APOBEC3D: variants seen among roughly 807,000 people sequenced by gnomAD.
APOBEC3D encodes the protein apolipoprotein B mRNA editing enzyme catalytic subunit 3D.
Under a neutral mutation model 45.6 loss-of-function variants are expected in APOBEC3D, and 37 were observed. The observed-to-expected ratio is 0.81, with a 90% CI of 0.62 to 1.07. APOBEC3D has a LOEUF of 1.07. Ranked by LOEUF, APOBEC3D falls within the 50% of genes least tolerant of loss-of-function variation. The pLI, the probability that APOBEC3D is intolerant of heterozygous loss-of-function variation, is 0.00. For synonymous variants in APOBEC3D, 175 were observed against 180.7 expected (o/e 0.97, Z 0.25); for missense variants, 496 against 495.3 (o/e 1.00, Z -0.01).
intron 4 of APOBEC3D, among the ~76,000 whole-genome samples, chr22:39,027,563 G>A (rs894956230): frequency 2.6e-5 from 4 of 152,150 alleles, no homozygotes; most frequent in Admixed American, 6.5e-5. Context: ...GGCCCTGGAC[G>A]ATAGAAATAG....
intron 2 of APOBEC3D, among the ~76,000 whole-genome samples, chr22:39,024,227 G>T (rs1444155505): frequency 1.3e-5 from 2 of 152,120 alleles, no homozygotes; most frequent in Non-Finnish European, 2.9e-5. Context: ...GTGTATTTTT[G>T]ATGTGCCGAG....
At chr22:39,022,744 G>A in intron 1 of APOBEC3D, 78 bp from the exon 2 acceptor site, 1 of 1,517,204 alleles carries the variant, frequency 6.6e-7, no homozygotes, top group Non-Finnish European at 8.8e-7. Context: ...CGTCCCGGGA[G>A]CTGTGTTCAG....
Position 39,032,182 on chromosome 22 carries a change from C to T in APOBEC3D, c.1043-16C>T, listed in dbSNP as rs1854421576. On this transcript the variant is annotated splice_polypyrimidine_tract_variant and intron_variant, in intron 6 of 6. Transcript: ENST00000216099. ...CTTGCTGGGCCCTCACTGCTTTCTC[C>T]TTGTTTTTTTCTCAGATTTTGTATC... 1 of 1,613,166 alleles carries T rather than the reference C, an allele frequency of 6.2e-7. No individual in the cohort carries two copies. The highest frequency in any genetic ancestry group is 1.1e-5 in the South Asian group (1 of 91,014).
At chr22:39,022,583 C>A (rs1925225828) in intron 1 of APOBEC3D, among the ~76,000 whole-genome samples, 1 of 152,146 alleles carries the variant, frequency 6.6e-6, no homozygotes, top group Non-Finnish European at 1.5e-5. Context: ...GGGGAATATA[C>A]CCCTGGAAAG....
At chr22:39,026,129 G>A (rs1925637822) in intron 4 of APOBEC3D, among the ~76,000 whole-genome samples, 1 of 152,226 alleles carries the variant, frequency 6.6e-6, no homozygotes, top group Non-Finnish European at 1.5e-5. Context: ...GGCCATAGAA[G>A]ATGCCCCCGG....
chr22:39,026,749 G>T (rs1045914212), intron 4 of APOBEC3D, among the ~76,000 whole-genome samples: 3 of 149,280 alleles, frequency 2.0e-5, no homozygotes, highest in Admixed American at 2.0e-4. Context: ...TTTGAGTAAG[G>T]TTTTTTTGTT....
chr22:39,022,242 GC>G (rs1040249045), intron 1 of APOBEC3D, among the ~76,000 whole-genome samples: 5 of 152,226 alleles, frequency 3.3e-5, no homozygotes, highest in African/African-American at 1.2e-4. Context: ...CTGGAAAGGG[GC>G]CCCTGCTCCA....
At chr22:39,024,972 C>A in intron 2 of APOBEC3D, 98 bp from the exon 3 acceptor site, 3 of 1,100,890 alleles carry the variant, frequency 2.7e-6, no homozygotes, top group Non-Finnish European at 2.5e-6. Flanking sequence ...TGGCAAGATC[C>A]CCTGGGCTCC....
chr22:39,024,172 C>A (rs781161815), intron 2 of APOBEC3D, among the ~76,000 whole-genome samples: 1 of 152,238 alleles, frequency 6.6e-6, no homozygotes, highest in African/African-American at 2.4e-5. Flanking sequence ...TAAAATTCTT[C>A]GCGAGATAGT....
intron 4 of APOBEC3D, among the ~76,000 whole-genome samples, chr22:39,028,139 G>A (rs557599564): frequency 4.7e-4 from 71 of 152,256 alleles, no homozygotes; most frequent in African/African-American, 6.7e-4. Context: ...AGACGCCTCC[G>A]CTGTGAGCAG....
intron 1 of APOBEC3D, among the ~76,000 whole-genome samples, chr22:39,022,260 C>A (rs1344344170): frequency 3.3e-5 from 5 of 152,222 alleles, no homozygotes; most frequent in African/African-American, 9.6e-5. Flanking sequence ...TCCAACTGTC[C>A]CCAGCTCTGT....
At position 39,025,229 on chromosome 22, in the gene APOBEC3D, C is replaced by T. The variant is rs1418998381; in HGVS notation, c.370C>T (p.Pro124Ser). Residue 124 changes from proline to serine, a missense_variant, in exon 3 of 7, where the codon CCC (proline) becomes TCC (serine). Transcript: ENST00000216099. Reference sequence around the variant, plus strand: ...GGTGACCAAATTCTTGGCTGAGCACCCCAATGTCACCCTGACCATCTCTGC... The same window carrying T: ...GGTGACCAAATTCTTGGCTGAGCACTCCAATGTCACCCTGACCATCTCTGC... ...VKVTKFLAEH[P>S]NVTLTISAAR... 6.2e-7 allele frequency: 1 copy of T among 1,614,006 alleles called. No individual in the cohort carries two copies. The highest frequency in any genetic ancestry group is 8.5e-7 in the Non-Finnish European group (1 of 1,180,014).
chr22:39,027,554 G>A lies in APOBEC3D; in HGVS notation c.606-1809G>A, dbSNP rs1341526095. 7.2e-5 allele frequency among the ~76,000 whole-genome samples: 11 copies of A among 152,272 alleles called. 1 individual carries two copies. The South Asian group carries it at 2.3e-3, about 32-fold the overall frequency. ...AGCGCAGGTGTCTCCTGGAACAAGG[G>A]CCCTGGACGATAGAAATAGAACCCA... On this transcript the variant is annotated intron_variant, in intron 4 of 6. Transcript: ENST00000216099.
chr22:39,028,937 A>C (rs1925945419), intron 4 of APOBEC3D, among the ~76,000 whole-genome samples: 1 of 152,206 alleles, frequency 6.6e-6, no homozygotes, highest in Non-Finnish European at 1.5e-5. Context: ...GTGTGCAAAA[A>C]TAAATAAATT....
At chr22:39,029,571 C>G (rs1170331470) in intron 5 of APOBEC3D, 52 bp downstream of exon 5, 1 of 1,604,242 alleles carries the variant, frequency 6.2e-7, no homozygotes, top group African/African-American at 1.3e-5. Context: ...CAGCTGGGAA[C>G]GCAGAAAACA....
chr22:39,027,068 G>T (rs541623654), intron 4 of APOBEC3D, among the ~76,000 whole-genome samples: 24 of 152,254 alleles, frequency 1.6e-4, no homozygotes, highest in Non-Finnish European at 2.8e-4. Context: ...GGACCAGAGA[G>T]GCCCTAGAAA....
chr22:39,023,693 C>T (rs1925351265), intron 2 of APOBEC3D, among the ~76,000 whole-genome samples: 1 of 152,092 alleles, frequency 6.6e-6, no homozygotes, highest in Non-Finnish European at 1.5e-5. Flanking sequence ...AGGTGATCCA[C>T]CCAACTCGGC....
At chr22:39,027,529 A>C (rs1215467193) in intron 4 of APOBEC3D, among the ~76,000 whole-genome samples, 1 of 152,184 alleles carries the variant, frequency 6.6e-6, no homozygotes, top group Non-Finnish European at 1.5e-5. Flanking sequence ...GGTCACTCAC[A>C]GCGCAGGTGT....
rs760595347 is a variant in APOBEC3D, at chr22:39,021,475, C to CA, written c.-38dup. On this transcript the variant is annotated 5_prime_UTR_variant, in exon 1 of 7. Coordinates refer to ENST00000216099, the MANE Select transcript of APOBEC3D (RefSeq NM_152426.4). ...AGCAGGAAGTGAAACCACAGCACTT[C>CA]AAAAAAAGAGGGAGACTGGGACAAG... The CA allele has an allele frequency of 3.1e-6, 5 of 1,613,660 alleles. No homozygotes were observed. The highest frequency in any genetic ancestry group is 2.2e-5 in the South Asian group (2 of 91,076).
Sources: gnomAD v4.1 joint callset for allele counts (sites outside exome capture counted in the v4.1 genomes callset) on GRCh38, gnomAD v4.1.1 for gene constraint, MANE v1.5 for transcripts, NCBI Gene and HGNC (gene_info 2026-07-23, HGNC 2026-07-21) for gene names.